The following ITGB5 variants were observed in gnomAD, a reference collection of about 807,000 sequenced individuals.
ITGB5 encodes the protein integrin subunit beta 5.
A neutral mutation model predicts 84.8 loss-of-function variants in ITGB5; 38 were observed. That is an observed-to-expected ratio of 0.45 (90% CI 0.35 to 0.59). The LOEUF (loss-of-function observed/expected upper bound fraction) is 0.59, where lower values mean the gene tolerates loss of function less well. Among genes scored for constraint, ITGB5 ranks in the 20% least tolerant of loss-of-function variants. ITGB5 has a pLI of 0.01. For synonymous variants in ITGB5, 393 were observed against 414.4 expected (o/e 0.95, Z 0.63); for missense variants, 905 against 1,034.5 (o/e 0.87, Z 1.72).
upstream of ITGB5, chr3:124,887,743 G>A (rs1579348674): frequency 2.2e-6 from 1 of 449,208 alleles, no homozygotes; most frequent in South Asian, 1.6e-5. Flanking sequence ...CTGCGAGAGG[G>A]AGAGCAGGTA....
At chr3:124,866,781 A>T (rs2065397835) in intron 2 of ITGB5, among the ~76,000 whole-genome samples, 1 of 152,184 alleles carries the variant, frequency 6.6e-6, no homozygotes, top group Non-Finnish European at 1.5e-5. Context: ...AGGGGAAGGT[A>T]GCTGATGACA....
chr3:124,831,589 A>G, intron 5 of ITGB5, among the ~76,000 whole-genome samples: 1 of 152,208 alleles, frequency 6.6e-6, no homozygotes, highest in Admixed American at 6.5e-5. Flanking sequence ...GCCTGCCTGA[A>G]CATGGGCTGG....
intron 9 of ITGB5, among the ~76,000 whole-genome samples, chr3:124,803,833 T>C (rs554804680): frequency 2.0e-5 from 3 of 152,182 alleles, no homozygotes; most frequent in African/African-American, 4.8e-5. Flanking sequence ...ATAAAGGTGG[T>C]GAGGGAGCTG....
chr3:124,792,641 T>C (rs772449152), intron 10 of ITGB5: 4 of 152,196 alleles, frequency 2.6e-5, no homozygotes, highest in Admixed American at 2.0e-4. Flanking sequence ...AAGACATTCA[T>C]TCTGCAACCT....
At chr3:124,872,539 G>A (rs1385956374) in intron 2 of ITGB5, among the ~76,000 whole-genome samples, 1 of 152,108 alleles carries the variant, frequency 6.6e-6, no homozygotes, top group Non-Finnish European at 1.5e-5. Context: ...AGCCTCCCGT[G>A]AGCCATCTCT....
intron 1 of ITGB5, among the ~76,000 whole-genome samples, chr3:124,874,990 T>C (rs772285153): frequency 5.3e-5 from 8 of 151,936 alleles, no homozygotes; most frequent in Non-Finnish European, 7.4e-5. Context: ...GCAACAAAAA[T>C]GAAAATAGGC....
intron 8 of ITGB5, among the ~76,000 whole-genome samples, chr3:124,814,011 G>C (rs1468438059): frequency 1.3e-5 from 2 of 151,966 alleles, no homozygotes; most frequent in Non-Finnish European, 2.9e-5. Context: ...AAACTACAAT[G>C]GTCTTGGAAA....
chr3:124,778,675 G>A (rs1274509089), intron 10 of ITGB5, among the ~76,000 whole-genome samples: 1 of 152,172 alleles, frequency 6.6e-6, no homozygotes. Context: ...AAGGAGGATG[G>A]GGGATTTTGC....
chr3:124,771,748 CAAAAA>C (rs59189728), intron 11 of ITGB5, among the ~76,000 whole-genome samples: 8 of 69,164 alleles, frequency 1.2e-4, no homozygotes, highest in South Asian at 5.3e-4. Flanking sequence ...GACCCTGTCT[CAAAAA>C]AAAAAAAAAA....
At chr3:124,862,017 T>C (rs1336332341) in intron 2 of ITGB5, 1 of 152,320 alleles carries the variant, frequency 6.6e-6, no homozygotes, top group Non-Finnish European at 1.5e-5. Context: ...TTGGGTCTGC[T>C]GTCTTGAGCT....
intron 10 of ITGB5, among the ~76,000 whole-genome samples, chr3:124,793,920 C>T (rs529558379): frequency 6.6e-6 from 1 of 152,246 alleles, no homozygotes; most frequent in African/African-American, 2.4e-5. Context: ...GGTGTACTCA[C>T]GCTTGTGTCA....
chr3:124,821,783 C>T (rs1478977516), intron 5 of ITGB5, among the ~76,000 whole-genome samples: 1 of 152,220 alleles, frequency 6.6e-6, no homozygotes, highest in East Asian at 1.9e-4. Flanking sequence ...TCACTGATGA[C>T]CCCTGAGAGC....
At chr3:124,841,325 A>G in intron 5 of ITGB5, 58 bp downstream of exon 5, 1 of 1,543,686 alleles carries the variant, frequency 6.5e-7, no homozygotes, top group Non-Finnish European at 8.8e-7. Flanking sequence ...ACCAACACCC[A>G]CTGACGCTCT....
At chr3:124,793,629 A>T (rs1281432043) in intron 10 of ITGB5, among the ~76,000 whole-genome samples, 3 of 152,240 alleles carry the variant, frequency 2.0e-5, no homozygotes, top group African/African-American at 7.2e-5. Context: ...CTTATTCCTC[A>T]TAACAACTCT....
intron 2 of ITGB5, among the ~76,000 whole-genome samples, chr3:124,871,403 C>G (rs989860297): frequency 6.6e-6 from 1 of 152,136 alleles, no homozygotes; most frequent in South Asian, 2.1e-4. Flanking sequence ...ACCATATTGG[C>G]CAGGCTGGTC....
At chr3:124,810,878 G>A (rs1188813269) in intron 8 of ITGB5, among the ~76,000 whole-genome samples, 3 of 141,120 alleles carry the variant, frequency 2.1e-5, no homozygotes, top group African/African-American at 9.2e-5. Flanking sequence ...GGAGAGAACA[G>A]CAGACAGACT....
chr3:124,803,510 A>G (rs1156624401), intron 9 of ITGB5, among the ~76,000 whole-genome samples: 1 of 152,190 alleles, frequency 6.6e-6, no homozygotes, highest in Non-Finnish European at 1.5e-5. Flanking sequence ...ATTCCATGCA[A>G]ACAAATACAA....
Position 124,762,401 on chromosome 3 carries a change from G to A in ITGB5, c.*1222C>T, listed in dbSNP as rs1460262363. 1 of 152,188 alleles carries A rather than the reference G, an allele frequency of 6.6e-6. No individual in the cohort carries two copies. Among genetic ancestry groups the A allele is most frequent in the Non-Finnish European group, 1.5e-5 (1 of 68,038 alleles). The allele number at this position is 152,188 out of a possible 1,614,324, so 9.4% of individuals were successfully genotyped here. A position where few individuals can be genotyped will look rare whatever the true frequency, so the allele number is the denominator to read the frequency against. Reference sequence around the variant, plus strand: ...TCAGTAACCTCCTAACAAACACTCGGGCAAGCCACTTCCCCTCTCTGAGAA... The same window carrying A: ...TCAGTAACCTCCTAACAAACACTCGAGCAAGCCACTTCCCCTCTCTGAGAA... On this transcript the variant is annotated 3_prime_UTR_variant, in exon 15 of 15. Transcript: ENST00000296181.
At chr3:124,900,439 T>A (rs978832903) in intron 1 of ITGB5, among the ~76,000 whole-genome samples, 8 of 152,258 alleles carry the variant, frequency 5.3e-5, no homozygotes, top group African/African-American at 1.7e-4. Flanking sequence ...AAACTGGCTC[T>A]CTCACCTGGA....
Sources: gnomAD v4.1 joint callset for allele counts (sites outside exome capture counted in the v4.1 genomes callset) on GRCh38, gnomAD v4.1.1 for gene constraint, MANE v1.5 for transcripts, NCBI Gene and HGNC (gene_info 2026-07-23, HGNC 2026-07-21) for gene names.